SPATA13: variants seen among roughly 807,000 people sequenced by gnomAD.
The protein encoded by SPATA13 is spermatogenesis associated 13.
Under a neutral mutation model 104.0 loss-of-function variants are expected in SPATA13, and 50 were observed. The ratio of observed to expected loss-of-function variants is 0.48; its 90% CI spans 0.38 to 0.61. SPATA13 has a LOEUF of 0.61. Among genes scored for constraint, SPATA13 ranks in the 20% least tolerant of loss-of-function variants. The probability of loss-of-function intolerance (pLI) is 0.00; values close to 1 mark genes in which losing one functional copy is unlikely to be tolerated. For synonymous variants in SPATA13, 606 were observed against 667.5 expected (o/e 0.91, Z 1.42); for missense variants, 1,524 against 1,690.6 (o/e 0.90, Z 1.73).
At chr13:24,194,732 A>G (rs1869955241) in intron 1 of SPATA13, among the ~76,000 whole-genome samples, 1 of 152,230 alleles carries the variant, frequency 6.6e-6, no homozygotes, top group South Asian at 2.1e-4. Context: ...CACTATTAAA[A>G]ATTCTACGTG....
chr13:24,273,460 A>G (rs1260540445), intron 4 of SPATA13, among the ~76,000 whole-genome samples: 1 of 152,234 alleles, frequency 6.6e-6, no homozygotes, highest in Non-Finnish European at 1.5e-5. Flanking sequence ...TAAAAGATTG[A>G]AAAATACTAT....
intron 3 of SPATA13, chr13:24,033,686 C>T (rs1877569897): frequency 6.6e-6 from 1 of 152,242 alleles, no homozygotes; most frequent in East Asian, 1.9e-4. Flanking sequence ...TCATGCTAAG[C>T]ACAGCGAAGT....
chr13:24,217,171 T>G (rs1217103224), intron 1 of SPATA13, among the ~76,000 whole-genome samples: 3 of 152,192 alleles, frequency 2.0e-5, no homozygotes, highest in African/African-American at 7.2e-5. Context: ...GGTGAGAGGA[T>G]CACTTGAGTC....
At chr13:24,086,891 G>T (rs890219614) in intron 3 of SPATA13, among the ~76,000 whole-genome samples, 1 of 152,140 alleles carries the variant, frequency 6.6e-6, no homozygotes, top group African/African-American at 2.4e-5. Context: ...GAGGTCAGAG[G>T]AGCAGCCCAG....
At chr13:24,277,443 CAA>C (rs751513515) in intron 4 of SPATA13, among the ~76,000 whole-genome samples, 1 of 50,730 alleles carries the variant, frequency 2.0e-5, no homozygotes, top group South Asian at 6.3e-4. Context: ...GACTCCGTCT[CAA>C]AAAAAAAAAA....
intron 1 of SPATA13, among the ~76,000 whole-genome samples, chr13:24,195,320 T>C (rs531994227): frequency 1.3e-5 from 2 of 152,376 alleles, no homozygotes; most frequent in East Asian, 3.9e-4. Context: ...TATTCAATTA[T>C]GTGGATATCA....
intron 2 of SPATA13, among the ~76,000 whole-genome samples, chr13:24,225,285 G>GCTGCAGGTGCCGGCACCTCCAGGTGCTC (rs1871865137): frequency 6.6e-6 from 1 of 152,250 alleles, no homozygotes; most frequent in Non-Finnish European, 1.5e-5. Context: ...TTGCAGCAGG[G>GCTGCAGGTGCCGGCACCTCCAGGTGCTC]CAGGCAGCTC....
At chr13:24,038,823 T>C (rs964195643) in intron 3 of SPATA13, among the ~76,000 whole-genome samples, 6 of 152,142 alleles carry the variant, frequency 3.9e-5, no homozygotes, top group Admixed American at 3.9e-4. Flanking sequence ...AAGCACAACA[T>C]CAAAAAATTG....
At chr13:24,074,952 T>C (rs1204324699) in intron 3 of SPATA13, among the ~76,000 whole-genome samples, 1 of 146,668 alleles carries the variant, frequency 6.8e-6, no homozygotes, top group African/African-American at 2.5e-5. Context: ...CTGCCTGTGA[T>C]TGGCGAAACT....
chr13:24,176,609 C>T (rs1268689131), intron 1 of SPATA13, among the ~76,000 whole-genome samples: 2 of 151,984 alleles, frequency 1.3e-5, no homozygotes, highest in Admixed American at 1.3e-4. Flanking sequence ...GCAGGAATCC[C>T]AGAAATGACC....
chr13:24,160,851 G>A lies in SPATA13; in HGVS notation c.-193G>A, dbSNP rs748920912. 1.0e-6 allele frequency: 1 copy of A among 984,916 alleles called. No individual in the cohort carries two copies. Among genetic ancestry groups the A allele is most frequent in the Non-Finnish European group, 1.2e-6 (1 of 829,470 alleles). 61.0% of individuals were successfully genotyped at this position (984,916 alleles called of 1,614,324 possible). A position where few individuals can be genotyped will look rare whatever the true frequency, so the allele number is the denominator to read the frequency against. On this transcript the variant is annotated 5_prime_UTR_variant, in exon 1 of 13. Coordinates refer to ENST00000382108, the MANE Select transcript of SPATA13 (RefSeq NM_001166271.3). ...GAGAGTGCGGCGACCTCGGGGCTCC[G>A]CCGGCACCGGAGGTGGCTCTGAGGG...
At chr13:24,197,545 C>A (rs887489102) in intron 1 of SPATA13, among the ~76,000 whole-genome samples, 2 of 152,106 alleles carry the variant, frequency 1.3e-5, no homozygotes, top group African/African-American at 4.8e-5. Context: ...AAAACTGTAA[C>A]CTTTATAGTT....
At chr13:24,195,732 C>T (rs1312787334) in intron 1 of SPATA13, among the ~76,000 whole-genome samples, 1 of 152,060 alleles carries the variant, frequency 6.6e-6, no homozygotes, top group Non-Finnish European at 1.5e-5. Context: ...GTTGATTTCA[C>T]TGTAATATCT....
At chr13:24,132,900 G>C (rs149562117) in intron 3 of SPATA13, among the ~76,000 whole-genome samples, 1 of 152,128 alleles carries the variant, frequency 6.6e-6, no homozygotes. Flanking sequence ...ACTTGAACCT[G>C]GGGGGTGGAG....
chr13:24,008,760 C>T (rs1876339698), intron 2 of SPATA13, among the ~76,000 whole-genome samples: 2 of 152,120 alleles, frequency 1.3e-5, no homozygotes, highest in Non-Finnish European at 1.5e-5. Context: ...TCCCTGTCCA[C>T]CCCCATGTAC....
At chr13:24,087,423 A>G (rs1345226063) in intron 3 of SPATA13, among the ~76,000 whole-genome samples, 1 of 152,246 alleles carries the variant, frequency 6.6e-6, no homozygotes, top group Non-Finnish European at 1.5e-5. Flanking sequence ...CTTTTAGTCG[A>G]AGACACCGGG....
intron 3 of SPATA13, among the ~76,000 whole-genome samples, chr13:24,129,884 G>A (rs1417749357): frequency 6.6e-6 from 1 of 152,202 alleles, no homozygotes; most frequent in Admixed American, 6.5e-5. Flanking sequence ...AAGGGTGGGG[G>A]ATTAATAACC....
chr13:24,194,635 C>T (rs201824372), intron 1 of SPATA13, among the ~76,000 whole-genome samples: 2 of 152,164 alleles, frequency 1.3e-5, no homozygotes, highest in East Asian at 3.9e-4. Flanking sequence ...ATTGATTCAC[C>T]ACTCACCGAC....
At chr13:24,112,339 C>A (rs1880667363) in intron 3 of SPATA13, among the ~76,000 whole-genome samples, 1 of 151,864 alleles carries the variant, frequency 6.6e-6, no homozygotes, top group African/African-American at 2.4e-5. Context: ...TCTTGTTGCC[C>A]CTACAGCACC....
Sources: gnomAD v4.1 joint callset for allele counts (sites outside exome capture counted in the v4.1 genomes callset) on GRCh38, gnomAD v4.1.1 for gene constraint, MANE v1.5 for transcripts, NCBI Gene and HGNC (gene_info 2026-07-23, HGNC 2026-07-21) for gene names.